CMYA5: variants seen among roughly 807,000 people sequenced by gnomAD.
CMYA5 encodes cardiomyopathy associated 5, also known as cardiomyopathy-associated protein 5.
Under a neutral mutation model 318.9 loss-of-function variants are expected in CMYA5, and 246 were observed. The ratio of observed to expected loss-of-function variants is 0.77; its 90% CI spans 0.70 to 0.86. The LOEUF is 0.86. Ranked by LOEUF, CMYA5 falls within the 40% of genes least tolerant of loss-of-function variation. The probability of loss-of-function intolerance (pLI) is 0.00; values close to 1 mark genes in which losing one functional copy is unlikely to be tolerated. For missense variants in CMYA5, 4,589 were observed against 4,678.2 expected, an observed-to-expected ratio of 0.98 and a Z score of 0.56; for synonymous variants, 1,641 against 1,729.5, an observed-to-expected ratio of 0.95 and a Z score of 1.27.
chr5:79,727,015 A>G (rs1269946514), intron 1 of CMYA5, among the ~76,000 whole-genome samples: 3 of 146,854 alleles, frequency 2.0e-5, no homozygotes. Context: ...TCCTGGGTTC[A>G]AGAGATTCTC....
At chr5:79,790,170 A>G (rs1829150515) in intron 10 of CMYA5, among the ~76,000 whole-genome samples, 1 of 151,988 alleles carries the variant, frequency 6.6e-6, no homozygotes, top group African/African-American at 2.4e-5. Context: ...TGAAGAGAAG[A>G]TGCGAGGGCT....
At chr5:79,721,938 A>G (rs931235243) in intron 1 of CMYA5, among the ~76,000 whole-genome samples, 1 of 152,208 alleles carries the variant, frequency 6.6e-6, no homozygotes, top group African/African-American at 2.4e-5. Context: ...TACTAAGGCT[A>G]AAAAAGATCT....
At chr5:79,778,427 G>A (rs1028310175) in intron 9 of CMYA5, among the ~76,000 whole-genome samples, 5 of 152,126 alleles carry the variant, frequency 3.3e-5, no homozygotes, top group Admixed American at 6.5e-5. Context: ...CTAAACATTG[G>A]ATGATAAAAC....
chr5:79,729,477 G>A lies in CMYA5; in HGVS notation c.712G>A (p.Glu238Lys). 1 of 1,610,606 alleles carries A rather than the reference G, an allele frequency of 6.2e-7. No homozygotes were observed. Residue 238 changes from glutamate (E) to lysine (K), a missense_variant, in exon 2 of 13, where the codon GAA (glutamate) becomes AAA (lysine). Glu to Lys is a moderately conservative substitution (Grantham distance 56). Transcript: ENST00000446378. The part of the protein sequence containing the change: ...KIKMFNSVKE[E>K]LIPLQFYGTL... ...TAAGATGTTTAATTCGGTTAAAGAA[G>A]AATTAATTCCTCTACAATTTTATGG...
At position 79,729,436 on chromosome 5, in the gene CMYA5, C is replaced by G. The variant is rs1452182559; in HGVS notation, c.671C>G (p.Thr224Arg). ...GTGTTAAGACCAGTCTACATAGGAA[C>G]AGTACAATATAAAATTAAGATGTTT... ...PLVLRPVYIG[T>R]VQYKIKMFNS... is the part of the protein sequence containing the mutation. Residue 224 changes from threonine (T) to arginine (R), a missense_variant, in exon 2 of 13, where the codon ACA (threonine) becomes AGA (arginine). This residue lies in a region of CMYA5 where 2,132 missense variants were observed against 2,131.3 expected (regional missense o/e 1.00). Transcript: ENST00000446378. 6 of 1,613,168 alleles carry G rather than the reference C, an allele frequency of 3.7e-6. No individual in the cohort carries two copies. The South Asian group carries it at 5.5e-5, about 15-fold the overall frequency.
rs772989329 is a variant in CMYA5 at position 79,729,023 on chromosome 5, A to C, written c.258A>C (p.Glu86Asp). 6.2e-7 allele frequency: 1 copy of C among 1,614,010 alleles called. No homozygotes were observed. Among genetic ancestry groups the C allele is most frequent in the South Asian group, 1.1e-5 (1 of 91,076 alleles). ...VQREDSGITW[E>D]TNSSRSSTPW... is the part of the protein sequence containing the mutation. ...GGGAAGATAGTGGGATAACCTGGGAAACCAATTCAAGTAGATCTTCTACTC... is the reference window on the plus strand; with the variant it reads ...GGGAAGATAGTGGGATAACCTGGGACACCAATTCAAGTAGATCTTCTACTC... The change falls in exon 2 of 13, where the codon GAA (glutamate) becomes GAC (aspartate). Residue 86 changes from glutamate to aspartate, a missense_variant. Transcript: ENST00000446378.
intron 7 of CMYA5, among the ~76,000 whole-genome samples, chr5:79,759,841 C>G (rs1828613253): frequency 6.6e-6 from 1 of 152,118 alleles, no homozygotes; most frequent in South Asian, 2.1e-4. Context: ...TTTAAAAAAG[C>G]AATTATAGGC....
At chr5:79,788,082 A>G (rs192895818) in intron 9 of CMYA5, among the ~76,000 whole-genome samples, 1 of 152,190 alleles carries the variant, frequency 6.6e-6, no homozygotes, top group Non-Finnish European at 1.5e-5. Context: ...TATTGTATTC[A>G]TTGACAATTA....
chr5:79,749,994 C>T (rs942933368), intron 5 of CMYA5, among the ~76,000 whole-genome samples: 4 of 145,730 alleles, frequency 2.7e-5, no homozygotes, highest in Non-Finnish European at 5.9e-5. Flanking sequence ...AAAGTGATCT[C>T]CTAAGGTTTT....
chr5:79,714,674 A>G (rs1827480706), intron 1 of CMYA5, among the ~76,000 whole-genome samples: 1 of 152,040 alleles, frequency 6.6e-6, no homozygotes, highest in Non-Finnish European at 1.5e-5. Context: ...TCCTAGGCTC[A>G]AGTGATCCTC....
chr5:79,723,732 A>G (rs1827691297), intron 1 of CMYA5, among the ~76,000 whole-genome samples: 1 of 151,826 alleles, frequency 6.6e-6, no homozygotes, highest in South Asian at 2.1e-4. Flanking sequence ...ACTGCACTCC[A>G]GCCTGGGTGA....
At position 79,730,717 on chromosome 5, in the gene CMYA5, G is replaced by T; in HGVS notation, c.1952G>T (p.Ser651Ile). The change falls in exon 2 of 13, where the codon AGC (serine) becomes ATC (isoleucine). Residue 651 changes from serine to isoleucine, a missense_variant. Around this residue, in one of 3 missense-constraint regions of CMYA5, gnomAD observed 2,132 missense variants for 2,131.3 expected, o/e 1.00. Transcript: ENST00000446378. Reference protein sequence around the residue: ...YSPAAAPTSESSLSPSTTEKT... With the variant: ...YSPAAAPTSEISLSPSTTEKT... ...CCAGCTGCAGCCCCTACATCTGAGAGCTCTCTCTCACCATCCACAACTGAG... is the reference window on the plus strand; with the variant it reads ...CCAGCTGCAGCCCCTACATCTGAGATCTCTCTCTCACCATCCACAACTGAG... 2 of 1,613,800 alleles carry T rather than the reference G, an allele frequency of 1.2e-6. No individual in the cohort carries two copies. Among genetic ancestry groups the T allele is most frequent in the Non-Finnish European group, 1.7e-6 (2 of 1,179,832 alleles).
At chr5:79,745,201 T>A in intron 3 of CMYA5, 21 bp from the exon 4 acceptor site, 1 of 1,501,168 alleles carries the variant, frequency 6.7e-7, no homozygotes, top group Non-Finnish European at 9.0e-7. Flanking sequence ...GAAGTGGGCT[T>A]TTTTGCTTGT....
intron 9 of CMYA5, among the ~76,000 whole-genome samples, chr5:79,766,188 TC>T (rs1328896467): frequency 2.7e-5 from 4 of 150,648 alleles, no homozygotes; most frequent in African/African-American, 9.8e-5. Flanking sequence ...AACCTCTGCC[TC>T]CCAGGTTCAA....
At position 79,739,404 on chromosome 5, in the gene CMYA5, G is replaced by A; in HGVS notation, c.10638+1G>A. 1 of 1,497,736 alleles carries A rather than the reference G, an allele frequency of 6.7e-7. No individual in the cohort carries two copies. The highest frequency in any genetic ancestry group is 8.9e-7 in the Non-Finnish European group (1 of 1,125,582). 92.8% of individuals were successfully genotyped at this position (1,497,736 alleles called of 1,614,324 possible). A position where few individuals can be genotyped will look rare whatever the true frequency, so the allele number is the denominator to read the frequency against. ...TGACACAGCTATAAGTGCTGTAAAG[G>A]TAAATAGATGTTGAACACACATAAT... On this transcript the variant is annotated splice_donor_variant, in intron 2 of 12. Coordinates refer to ENST00000446378, the MANE Select transcript of CMYA5 (RefSeq NM_153610.5). LOFTEE classifies it high-confidence loss of function.
Position 79,733,683 on chromosome 5 carries a change from G to A in CMYA5, c.4918G>A (p.Glu1640Lys). ...GTTGGAATTACCAAATGCTGGGTCA[G>A]AATTTTCTAGTGATTTAGGTAGACA... The part of the protein sequence containing the change: ...QPLELPNAGS[E>K]FSSDLGRQSG... The change falls in exon 2 of 13, where the codon GAA (glutamate) becomes AAA (lysine). Residue 1640 changes from glutamate to lysine, a missense_variant. Around this residue, in one of 3 missense-constraint regions of CMYA5, gnomAD observed 2,132 missense variants for 2,131.3 expected, o/e 1.00. Transcript: ENST00000446378. 1 of 1,613,872 alleles carries A rather than the reference G, an allele frequency of 6.2e-7. No individual in the cohort carries two copies. The highest frequency in any genetic ancestry group is 1.3e-5 in the African/African-American group (1 of 75,022).
chr5:79,710,694 T>G (rs2151078223), intron 1 of CMYA5, among the ~76,000 whole-genome samples: 2 of 152,310 alleles, frequency 1.3e-5, no homozygotes, highest in South Asian at 4.1e-4. Context: ...TATTTGGTTA[T>G]TAGAAAAATT....
At chr5:79,696,566 T>C (rs1827069793) in intron 1 of CMYA5, among the ~76,000 whole-genome samples, 1 of 152,228 alleles carries the variant, frequency 6.6e-6, no homozygotes, top group Non-Finnish European at 1.5e-5. Context: ...ACATTCACTG[T>C]TATATACCAT....
chr5:79,699,173 C>CA (rs1476974340), intron 1 of CMYA5, among the ~76,000 whole-genome samples: 9 of 151,654 alleles, frequency 5.9e-5, no homozygotes, highest in African/African-American at 1.9e-4. Flanking sequence ...ACAACAACAA[C>CA]AACAAAAAAA....
Sources: allele counts gnomAD v4.1 joint callset (sites outside exome capture counted in the v4.1 genomes callset), GRCh38; gene constraint gnomAD v4.1.1; regional missense constraint gnomAD v4.1.1; transcripts MANE v1.5; gene names NCBI Gene and HGNC (gene_info 2026-07-23, HGNC 2026-07-21).